Variants in VAMP7 observed in about 807,000 individuals in gnomAD.
VAMP7 encodes the protein vesicle associated membrane protein 7.
Under a neutral mutation model 29.6 loss-of-function variants are expected in VAMP7, and 14 were observed. That is an observed-to-expected ratio of 0.47 (90% CI 0.31 to 0.74). The LOEUF (loss-of-function observed/expected upper bound fraction) is 0.74. Among genes scored for constraint, VAMP7 ranks in the 30% least tolerant of loss-of-function variants. The pLI is 0.05. For missense variants in VAMP7, 223 were observed against 262.4 expected (o/e 0.85, Z 1.04); for synonymous variants, 95 against 88.1 (o/e 1.08, Z -0.44).
intron 5 of VAMP7, among the ~76,000 whole-genome samples, chrX:155,911,172 A>G (rs1206561145): frequency 6.6e-6 from 1 of 152,126 alleles, no homozygotes; most frequent in Non-Finnish European, 1.5e-5. Context: ...AGTTTTCCCA[A>G]TACCATTTAT....
chrX:155,940,659 A>G lies in VAMP7; in HGVS notation c.594+866A>G, dbSNP rs191474778. 7.9e-5 allele frequency among the ~76,000 whole-genome samples: 12 copies of G among 152,310 alleles called. No homozygotes were observed. The East Asian group carries it at 2.1e-3, about 27-fold the overall frequency. On this transcript the variant is annotated intron_variant, in intron 7 of 7. Transcript: ENST00000286448. The stretch of plus-strand genomic sequence containing the variant: ...GAGCACAGCTCTAAATGCAATATCA[A>G]TCTTTGCGAAAAGGTGTTGTCACCT...
intron 6 of VAMP7, among the ~76,000 whole-genome samples, chrX:155,921,477 A>G (rs1248231264): frequency 2.0e-5 from 3 of 152,082 alleles, no homozygotes; most frequent in Non-Finnish European, 2.9e-5. Flanking sequence ...TGTTCTTAAA[A>G]TTTATTTGTG....
At chrX:155,932,372 C>G (rs1382397407) in intron 6 of VAMP7, among the ~76,000 whole-genome samples, 1 of 152,168 alleles carries the variant, frequency 6.6e-6, no homozygotes, top group African/African-American at 2.4e-5. Flanking sequence ...TTTGTGTCCT[C>G]TTTTATTTCG....
chrX:155,921,231 G>A (rs1427972928), intron 6 of VAMP7, among the ~76,000 whole-genome samples: 3 of 152,222 alleles, frequency 2.0e-5, no homozygotes, highest in Admixed American at 2.0e-4. Context: ...GAACTAACAG[G>A]TATCTCTCTT....
At chrX:155,904,844 A>C (rs1331785164) in intron 5 of VAMP7, among the ~76,000 whole-genome samples, 4 of 150,630 alleles carry the variant, frequency 2.7e-5, no homozygotes, top group Admixed American at 2.7e-4. Context: ...GGTTATTATA[A>C]ATAATGCTGC....
intron 5 of VAMP7, among the ~76,000 whole-genome samples, chrX:155,907,466 G>C (rs1463523296): frequency 2.6e-5 from 4 of 151,372 alleles, no homozygotes; most frequent in African/African-American, 7.3e-5. Flanking sequence ...TTAGGGAGTG[G>C]TGATGACTCT....
chrX:155,892,020 G>C (rs541229415), intron 2 of VAMP7, among the ~76,000 whole-genome samples: 1 of 152,042 alleles, frequency 6.6e-6, no homozygotes, highest in Non-Finnish European at 1.5e-5. Context: ...TGGGAAATAG[G>C]GCATATATCT....
intron 6 of VAMP7, among the ~76,000 whole-genome samples, chrX:155,934,819 G>T (rs1217616466): frequency 6.6e-6 from 1 of 152,146 alleles, no homozygotes; most frequent in South Asian, 2.1e-4. Flanking sequence ...AATTTGGCAT[G>T]TTTTTCCAGT....
intron 7 of VAMP7, among the ~76,000 whole-genome samples, chrX:155,940,526 G>T (rs1415394111): frequency 6.6e-6 from 1 of 152,118 alleles, no homozygotes. Flanking sequence ...CACATTTTAG[G>T]CTCCTGAGCT....
rs1179843701 is a variant in VAMP7, at chrX:155,895,398, T to A, written c.147-225T>A. Among the ~76,000 whole-genome samples, 6 of 152,210 alleles carry A rather than the reference T, an allele frequency of 3.9e-5. No homozygotes were observed. The East Asian group carries it at 1.2e-3, about 29-fold the overall frequency. ...TTCTAATGGGTAATACACATGCTGT[T>A]GTGCTATGTAGCTAGAATAGAGATC... On this transcript the variant is annotated intron_variant, in intron 2 of 7. Coordinates refer to ENST00000286448, the MANE Select transcript of VAMP7 (RefSeq NM_005638.6).
At chrX:155,933,356 TATTA>T (rs1341946353) in intron 6 of VAMP7, among the ~76,000 whole-genome samples, 24 of 152,294 alleles carry the variant, frequency 1.6e-4, no homozygotes, top group Admixed American at 1.3e-4. Flanking sequence ...GTTGGTAAGC[TATTA>T]ATTATTGCCT....
intron 1 of VAMP7, among the ~76,000 whole-genome samples, chrX:155,885,913 G>C (rs1287755767): frequency 6.6e-6 from 1 of 152,102 alleles, no homozygotes; most frequent in Non-Finnish European, 1.5e-5. Context: ...GTTGTTTTAA[G>C]CAACCAAGTT....
chrX:155,926,956 T>C (rs2066476674), intron 6 of VAMP7, among the ~76,000 whole-genome samples: 1 of 152,194 alleles, frequency 6.6e-6, no homozygotes, highest in Non-Finnish European at 1.5e-5. Context: ...ATTTATCCGT[T>C]AGCTCCGTCA....
intron 5 of VAMP7, among the ~76,000 whole-genome samples, chrX:155,910,709 A>C (rs2066225708): frequency 6.6e-6 from 1 of 151,206 alleles, no homozygotes; most frequent in African/African-American, 2.4e-5. Context: ...GATGTTGAGC[A>C]TTTTTTCATA....
chrX:155,934,809 A>C (rs1329806133), intron 6 of VAMP7, among the ~76,000 whole-genome samples: 3 of 152,004 alleles, frequency 2.0e-5, no homozygotes, highest in African/African-American at 7.2e-5. Context: ...TGGTCTTTAC[A>C]ATTTGGCATG....
At chrX:155,882,406 G>T (rs2065813284) in intron 1 of VAMP7, among the ~76,000 whole-genome samples, 1 of 152,124 alleles carries the variant, frequency 6.6e-6, no homozygotes, top group South Asian at 2.1e-4. Context: ...GAAAGGATGG[G>T]ATCCTATCCT....
At chrX:155,935,463 C>T (rs1050831041) in intron 6 of VAMP7, among the ~76,000 whole-genome samples, 4 of 152,130 alleles carry the variant, frequency 2.6e-5, no homozygotes, top group African/African-American at 4.8e-5. Flanking sequence ...TCTTCAATCA[C>T]GGATACCCTT....
Position 155,889,781 on chromosome X carries a change from T to C in VAMP7, c.146+169T>C. 6.0e-6 allele frequency: 4 copies of C among 661,450 alleles called. No homozygotes were observed. The South Asian group carries it at 1.6e-4, about 27-fold the overall frequency. The allele number at this position is 661,450 out of a possible 1,614,324, so 41.0% of individuals were successfully genotyped here. A position where few individuals can be genotyped will look rare whatever the true frequency, so the allele number is the denominator to read the frequency against. ...TATATCTGGTTTTGTTACTTATAAA[T>C]TTAACTTGTAATTATTTTATTCTAT... On this transcript the variant is annotated intron_variant, in intron 2 of 7. Transcript: ENST00000286448.
At position 155,895,651 on chromosome X, in the gene VAMP7, A is replaced by G. The variant is rs2065977567; in HGVS notation, c.175A>G (p.Arg59Gly). 1 of 1,610,830 alleles carries G rather than the reference A, an allele frequency of 6.2e-7. No individual in the cohort carries two copies. Among genetic ancestry groups the G allele is most frequent in the Non-Finnish European group, 8.5e-7 (1 of 1,177,144 alleles). The change falls in exon 3 of 8, where the codon AGG becomes GGG. Residue 59 changes from arginine to glycine, a missense_variant. Coordinates refer to ENST00000286448, the MANE Select transcript of VAMP7 (RefSeq NM_005638.6). ...TTTGTTTCATTACATCTGCCAAGAC[A>G]GGATTGTATATCTTTGTATCACTGA... is the stretch of plus-strand genomic sequence containing the variant. ...NYLFHYICQD[R>G]IVYLCITDDD...
Sources: allele counts gnomAD v4.1 joint callset (sites outside exome capture counted in the v4.1 genomes callset), GRCh38; gene constraint gnomAD v4.1.1; transcripts MANE v1.5; gene names NCBI Gene and HGNC (gene_info 2026-07-23, HGNC 2026-07-21).